The following ZNF525 variants were observed in gnomAD, a reference collection of about 807,000 sequenced individuals.
The protein encoded by ZNF525 is zinc finger protein 525.
In ZNF525, 33 loss-of-function variants were observed where a neutral mutation model predicts 37.6. The ratio of observed to expected loss-of-function variants is 0.88; its 90% confidence interval spans 0.67 to 1.17. The LOEUF (loss-of-function observed/expected upper bound fraction) is 1.17. ZNF525 is among the 50% of genes most tolerant of loss of function. ZNF525 has a pLI of 0.00. For synonymous variants in ZNF525, 170 were observed against 182.3 expected, an observed-to-expected ratio of 0.93 and a Z score of 0.54; for missense variants, 449 against 543.1, an observed-to-expected ratio of 0.83 and a Z score of 1.72.
rs772583322 is a variant in ZNF525, at chr19:53,381,516, G to C, written c.937G>C (p.Ala313Pro). 1.2e-5 allele frequency: 16 copies of C among 1,281,320 alleles called. No individual in the cohort carries two copies. Among genetic ancestry groups the C allele is most frequent in the Non-Finnish European group, 1.7e-5 (15 of 877,538 alleles). The allele number at this position is 1,281,320 out of a possible 1,614,324, so 79.4% of individuals were successfully genotyped here. A position where few individuals can be genotyped will look rare whatever the true frequency, so the allele number is the denominator to read the frequency against. The change falls in exon 4 of 4, where the codon GCC (alanine) becomes CCC (proline). Residue 313 changes from alanine to proline, a missense_variant. This residue lies in a region of ZNF525 where 178 missense variants were observed against 161.5 expected (regional missense o/e 1.10). Transcript: ENST00000474037. ...ECDKAFRHNS[A>P]LQRHRRIHTG... is the part of the protein sequence containing the mutation. ...TGACAAAGCTTTCAGACACAATTCA[G>C]CCCTTCAAAGACATAGGAGAATTCA...
chr19:53,372,710 A>G (rs996635569), intron 2 of ZNF525, among the ~76,000 whole-genome samples: 2 of 152,202 alleles, frequency 1.3e-5, no homozygotes, highest in African/African-American at 2.4e-5. Flanking sequence ...GGAGACCAAT[A>G]TTGGGAAATC....
intron 2 of ZNF525, 56 bp downstream of exon 2, chr19:53,372,352 C>G: frequency 1.3e-6 from 1 of 753,846 alleles, no homozygotes; most frequent in South Asian, 1.5e-5. Flanking sequence ...AAATGCTGAC[C>G]TTGGAGTTGG....
At chr19:53,373,043 C>G (rs2085498262) in intron 2 of ZNF525, among the ~76,000 whole-genome samples, 1 of 152,024 alleles carries the variant, frequency 6.6e-6, no homozygotes, top group South Asian at 2.1e-4. Flanking sequence ...AGGATGGAGC[C>G]ATATTCTCAT....
intron 2 of ZNF525, among the ~76,000 whole-genome samples, chr19:53,372,884 A>G (rs1045265280): frequency 6.6e-5 from 10 of 152,284 alleles, no homozygotes; most frequent in African/African-American, 2.4e-4. Flanking sequence ...AACCTAAATA[A>G]TAGCAGGAGA....
Position 53,382,870 on chromosome 19 carries a change from T to C in ZNF525, c.*851T>C. On this transcript the variant is annotated 3_prime_UTR_variant, in exon 4 of 4. Coordinates refer to ENST00000474037, the MANE Select transcript of ZNF525 (RefSeq NM_001348156.2). ...GATTCAAATCAAACCTTGAAAGTCA[T>C]AGGAGAATTCATACTAGAGAGAAAC... is the stretch of plus-strand genomic sequence containing the variant. 7.3e-7 allele frequency: 1 copy of C among 1,370,746 alleles called. No homozygotes were observed. Among genetic ancestry groups the C allele is most frequent in the Admixed American group, 1.7e-5 (1 of 57,710 alleles). 84.9% of individuals were successfully genotyped at this position (1,370,746 alleles called of 1,614,324 possible).
chr19:53,375,369 G>A (rs1017238414), intron 2 of ZNF525, among the ~76,000 whole-genome samples: 3 of 152,114 alleles, frequency 2.0e-5, no homozygotes, highest in South Asian at 4.1e-4. Context: ...GGCAGATCAC[G>A]AGGTCAGGAG....
chr19:53,372,090 T>C (rs943788592), intron 1 of ZNF525, 125 bp from the exon 2 acceptor site: 3 of 455,654 alleles, frequency 6.6e-6, no homozygotes, highest in Non-Finnish European at 1.2e-5. Flanking sequence ...ACCTGGTACC[T>C]GGTGTGGAGG....
In ZNF525 at chr19:53,385,678, T is replaced by G. The variant is rs1265646924; in HGVS notation, c.*3659T>G. The G allele has an allele frequency of 6.5e-6, 1 of 155,028 alleles. No individual in the cohort carries two copies. Among genetic ancestry groups the G allele is most frequent in the Non-Finnish European group, 1.4e-5 (1 of 70,114 alleles). The allele number at this position is 155,028 out of a possible 1,614,324, so 9.6% of individuals were successfully genotyped here. A position where few individuals can be genotyped will look rare whatever the true frequency, so the allele number is the denominator to read the frequency against. ...CTCCAGCATGGGTGATGGAGAGAGATACTGTCTTAAAAAAAGAATACTTGT... is the reference window on the plus strand; with the variant it reads ...CTCCAGCATGGGTGATGGAGAGAGAGACTGTCTTAAAAAAAGAATACTTGT... On this transcript the variant is annotated 3_prime_UTR_variant, in exon 4 of 4. Transcript: ENST00000474037.
Position 53,386,348 on chromosome 19 carries a change from C to G in ZNF525, c.*4329C>G, listed in dbSNP as rs970537716. 2.4e-6 allele frequency: 2 copies of G among 820,562 alleles called. No individual in the cohort carries two copies. The highest frequency in any genetic ancestry group is 5.1e-5 in the East Asian group (2 of 39,176). The allele number at this position is 820,562 out of a possible 1,614,324, so 50.8% of individuals were successfully genotyped here. On this transcript the variant is annotated 3_prime_UTR_variant, in exon 4 of 4. Coordinates refer to ENST00000474037, the MANE Select transcript of ZNF525 (RefSeq NM_001348156.2). The stretch of plus-strand genomic sequence containing the variant: ...ACTGGTAATAAAATCAGGTACGACT[C>G]CAAAAGGAGACATTGGAGAAGAACC...
At chr19:53,373,674 T>G (rs2085502911) in intron 2 of ZNF525, among the ~76,000 whole-genome samples, 1 of 151,840 alleles carries the variant, frequency 6.6e-6, no homozygotes, top group African/African-American at 2.4e-5. Context: ...TTACAAAAAT[T>G]AACCAGGCAT....
At position 53,386,130 on chromosome 19, in the gene ZNF525, TGA is replaced by T; in HGVS notation, c.*4113_*4114del. 2.4e-6 allele frequency: 1 copy of T among 414,816 alleles called. No homozygotes were observed. Among genetic ancestry groups the T allele is most frequent in the South Asian group, 2.0e-5 (1 of 51,154 alleles). The allele number at this position is 414,816 out of a possible 1,614,324, so 25.7% of individuals were successfully genotyped here. A position where few individuals can be genotyped will look rare whatever the true frequency, so the allele number is the denominator to read the frequency against. On this transcript the variant is annotated 3_prime_UTR_variant, in exon 4 of 4. Coordinates refer to ENST00000474037, the MANE Select transcript of ZNF525 (RefSeq NM_001348156.2). ...GAGATGGCAACATTACACTCTAGCC[TGA>T]GCAACAAGAGCAAAACTCCATCTCA...
intron 2 of ZNF525, among the ~76,000 whole-genome samples, chr19:53,373,135 C>T (rs1235411351): frequency 1.3e-5 from 2 of 152,006 alleles, no homozygotes; most frequent in Non-Finnish European, 2.9e-5. Flanking sequence ...CTCTGTCACC[C>T]AGGCTGAAGT....
In ZNF525 at chr19:53,370,401, G is replaced by A. The variant is rs149291472; in HGVS notation, c.-67-1814G>A. Among the ~76,000 whole-genome samples the A allele has an allele frequency of 8.3e-3, 859 of 103,324 alleles. 36 individuals carry two copies. In the East Asian group the frequency reaches 0.13, roughly 15 times the overall value. The allele number at this position is 103,324 out of a possible 152,430, so 67.8% of individuals were successfully genotyped here. A position where few individuals can be genotyped will look rare whatever the true frequency, so the allele number is the denominator to read the frequency against. ...TGCTCTCCAGCCTGGGAGACAGAGC[G>A]AGACTCCATGTCAAAAAAAAAAAAA... On this transcript the variant is annotated intron_variant, in intron 1 of 3. Transcript: ENST00000474037.
chr19:53,374,846 A>T (rs1243080087), intron 2 of ZNF525, among the ~76,000 whole-genome samples: 1 of 151,934 alleles, frequency 6.6e-6, no homozygotes, highest in Non-Finnish European at 1.5e-5. Flanking sequence ...TATATAATGG[A>T]TTTTCCTACT....
In ZNF525 at chr19:53,381,291, C is replaced by T; in HGVS notation, c.712C>T (p.Leu238=). The stretch of plus-strand genomic sequence containing the variant: ...CTTAAGGAAACATCAGATTATTCAT[C>T]TAGGAGAGAAACAATATAAATGTGA... ...SLLRKHQIIH[L]GEKQYKCDVC... The change falls in exon 4 of 4, where the codon CTA becomes TTA. Residue 238 remains leucine (L), a synonymous_variant. Transcript: ENST00000474037. 2.1e-6 allele frequency: 3 copies of T among 1,453,042 alleles called. No individual in the cohort carries two copies. The highest frequency in any genetic ancestry group is 2.3e-5 in the South Asian group (2 of 87,732). The allele number at this position is 1,453,042 out of a possible 1,614,324, so 90.0% of individuals were successfully genotyped here. A position where few individuals can be genotyped will look rare whatever the true frequency, so the allele number is the denominator to read the frequency against.
intron 3 of ZNF525, among the ~76,000 whole-genome samples, chr19:53,377,809 C>T (rs2085533003): frequency 6.6e-6 from 1 of 152,142 alleles, no homozygotes; most frequent in Non-Finnish European, 1.5e-5. Context: ...ATCCTCCTCC[C>T]TCAGCCTCCC....
At chr19:53,369,881 C>G (rs866123759) in intron 1 of ZNF525, among the ~76,000 whole-genome samples, 1 of 124,398 alleles carries the variant, frequency 8.0e-6, no homozygotes, top group South Asian at 2.5e-4. Flanking sequence ...CCCGCCACCA[C>G]GCCCAGCTAA....
At chr19:53,373,655 A>AT (rs36014168) in intron 2 of ZNF525, among the ~76,000 whole-genome samples, 28,247 of 149,474 alleles carry the variant, frequency 0.19, 2,690 homozygotes, top group African/African-American at 0.23. Context: ...AAATTACAAA[A>AT]TTTTTTTTTT....
rs1287493150 is a variant in ZNF525 at position 53,385,930 on chromosome 19, C to T, written c.*3911C>T. On this transcript the variant is annotated 3_prime_UTR_variant, in exon 4 of 4. Coordinates refer to ENST00000474037, the MANE Select transcript of ZNF525 (RefSeq NM_001348156.2). The stretch of plus-strand genomic sequence containing the variant: ...TGCAATGAAGAGGACTGACAGCAAA[C>T]AGCAGAAACATAGTCAGAATTTAGA... 1 of 183,996 alleles carries T rather than the reference C, an allele frequency of 5.4e-6. No individual in the cohort carries two copies. The highest frequency in any genetic ancestry group is 1.1e-5 in the Non-Finnish European group (1 of 87,368). The allele number at this position is 183,996 out of a possible 1,614,324, so 11.4% of individuals were successfully genotyped here.
Sources: allele counts gnomAD v4.1 joint callset (sites outside exome capture counted in the v4.1 genomes callset), GRCh38; gene constraint gnomAD v4.1.1; regional missense constraint gnomAD v4.1.1; transcripts MANE v1.5; gene names NCBI Gene and HGNC (gene_info 2026-07-23, HGNC 2026-07-21).